EXOG: variants seen among roughly 807,000 people sequenced by gnomAD.
The protein encoded by EXOG is nuclease EXOG, mitochondrial.
In EXOG, 27 loss-of-function variants were observed where a neutral mutation model predicts 25.8. That is an observed-to-expected ratio of 1.05 (90% CI 0.77 to 1.45). The LOEUF (loss-of-function observed/expected upper bound fraction) is 1.45, where lower values mean the gene tolerates loss of function less well. Among genes scored for constraint, EXOG ranks in the 40% most tolerant of loss-of-function variants. The probability of loss-of-function intolerance (pLI) is 0.00; values close to 1 mark genes in which losing one functional copy is unlikely to be tolerated. For missense variants in EXOG, 458 were observed against 450.5 expected (o/e 1.02, Z -0.15); for synonymous variants, 133 against 167.0 (o/e 0.80, Z 1.57).
rs1293919020 is a variant in EXOG at position 38,526,263 on chromosome 3, A to G, written c.*1901A>G. The stretch of plus-strand genomic sequence containing the variant: ...ATTTTTGTGGTGTGTTTGTTCTAAG[A>G]GAAATGCCAAGGCTTTCAGATAAAG... On this transcript the variant is annotated 3_prime_UTR_variant, in exon 6 of 6. Transcript: ENST00000287675. 28 of 982,680 alleles carry G rather than the reference A, an allele frequency of 2.8e-5. No individual in the cohort carries two copies. Among genetic ancestry groups the G allele is most frequent in the Non-Finnish European group, 3.3e-5 (27 of 827,612 alleles). The allele number at this position is 982,680 out of a possible 1,614,324, so 60.9% of individuals were successfully genotyped here. A position where few individuals can be genotyped will look rare whatever the true frequency, so the allele number is the denominator to read the frequency against.
intron 5 of EXOG, among the ~76,000 whole-genome samples, chr3:38,522,911 C>G (rs561237189): frequency 6.6e-6 from 1 of 152,370 alleles, no homozygotes; most frequent in South Asian, 2.1e-4. Context: ...GACCCTGGCT[C>G]TGGCTTCTTC....
At chr3:38,507,303 G>A (rs1445014127) in intron 5 of EXOG, among the ~76,000 whole-genome samples, 2 of 152,216 alleles carry the variant, frequency 1.3e-5, no homozygotes, top group Non-Finnish European at 2.9e-5. Context: ...CTACTCATAT[G>A]AGTCAGGAAC....
intron 2 of EXOG, chr3:38,498,936 CAA>C: frequency 2.2e-6 from 1 of 456,684 alleles, no homozygotes; most frequent in Non-Finnish European, 4.4e-6. Context: ...GTAGATTCTT[CAA>C]GTTTACACTC....
At chr3:38,518,101 A>G (rs535380195) in intron 5 of EXOG, among the ~76,000 whole-genome samples, 1 of 152,308 alleles carries the variant, frequency 6.6e-6, no homozygotes, top group African/African-American at 2.4e-5. Flanking sequence ...ATATATGCAC[A>G]CACACATGTA....
In EXOG at chr3:38,524,214, G is replaced by A. The variant is rs570781004; in HGVS notation, c.959G>A (p.Arg320Gln). Residue 320 changes from arginine (R) to glutamine (Q), a missense_variant, in exon 6 of 6, where the codon CGA becomes CAA. By Grantham distance (43) the Arg-to-Gln change is conservative. Coordinates refer to ENST00000287675, the MANE Select transcript of EXOG (RefSeq NM_005107.4). ...YLSTRKIEGARSVLRLEKIME... is the reference protein window; with the variant it reads ...YLSTRKIEGAQSVLRLEKIME... ...AGTACAAGAAAGATTGAAGGAGCCC[G>A]ATCAGTGCTCAGACTGGAAAAGATC... The A allele has an allele frequency of 1.9e-5, 30 of 1,614,076 alleles. No individual in the cohort carries two copies. Among genetic ancestry groups the A allele is most frequent in the Middle Eastern group, 1.7e-4 (1 of 6,060 alleles).
chr3:38,515,222 G>T (rs1392667093), intron 5 of EXOG, among the ~76,000 whole-genome samples: 1 of 152,132 alleles, frequency 6.6e-6, no homozygotes, highest in Non-Finnish European at 1.5e-5. Flanking sequence ...CTTTATGTAT[G>T]ACAAGTTCTC....
At chr3:38,519,816 C>T (rs17037814) in intron 5 of EXOG, among the ~76,000 whole-genome samples, 13,278 of 152,208 alleles carry the variant, frequency 0.087, 828 homozygotes, top group East Asian at 0.17. Context: ...TGCTGAGGCT[C>T]TATAGATAAC....
In EXOG at chr3:38,524,111, A is replaced by G. The variant is rs1209574386; in HGVS notation, c.856A>G (p.Arg286Gly). ...SGLVFFPHLD[R>G]TSDIRNICSV... Reference sequence around the variant, plus strand: ...ACTGGTGTTTTTTCCTCATTTGGATAGAACTAGTGATATCCGGAATATCTG... The same window carrying G: ...ACTGGTGTTTTTTCCTCATTTGGATGGAACTAGTGATATCCGGAATATCTG... The change falls in exon 6 of 6, where the codon AGA (arginine) becomes GGA (glycine). Residue 286 changes from arginine to glycine, a missense_variant. Arg to Gly is a moderately radical substitution (Grantham distance 125). This residue lies in a region of EXOG where 178 missense variants were observed against 203.7 expected (regional missense o/e 0.87). Coordinates refer to ENST00000287675, the MANE Select transcript of EXOG (RefSeq NM_005107.4). 8 of 1,613,982 alleles carry G rather than the reference A, an allele frequency of 5.0e-6. No homozygotes were observed. Among genetic ancestry groups the G allele is most frequent in the Non-Finnish European group, 6.8e-6 (8 of 1,179,956 alleles).
intron 5 of EXOG, among the ~76,000 whole-genome samples, chr3:38,522,439 C>T (rs1307265016): frequency 6.6e-6 from 1 of 152,196 alleles, no homozygotes; most frequent in African/African-American, 2.4e-5. Context: ...TGGATTATGT[C>T]AGTTATTGGG....
In EXOG at chr3:38,520,788, A is replaced by G. The variant is rs1420758165; in HGVS notation, c.646-3113A>G. 2.6e-5 allele frequency among the ~76,000 whole-genome samples: 4 copies of G among 152,370 alleles called. No homozygotes were observed. The East Asian group carries it at 5.8e-4, about 22-fold the overall frequency. On this transcript the variant is annotated intron_variant, in intron 5 of 5. Transcript: ENST00000287675. ...GGCATTTATAAAATACAAAATAGCA[A>G]TCCACCCACGGGGATGGCTGTTACG...
At chr3:38,521,008 G>A (rs528285797) in intron 5 of EXOG, among the ~76,000 whole-genome samples, 2 of 152,310 alleles carry the variant, frequency 1.3e-5, no homozygotes, top group South Asian at 4.2e-4. Flanking sequence ...TAAAGAGACA[G>A]CTCTAAAATA....
At chr3:38,499,713 T>G (rs545700359) in intron 2 of EXOG, 57 of 454,670 alleles carry the variant, frequency 1.3e-4, no homozygotes, top group Admixed American at 1.2e-3. Context: ...CAAGTGACCC[T>G]CCTGCCTCAG....
rs2059893354 is a variant in EXOG at position 38,496,549 on chromosome 3, C to A, written c.163+19C>A. 2 of 1,600,078 alleles carry A rather than the reference C, an allele frequency of 1.2e-6. No homozygotes were observed. Among genetic ancestry groups the A allele is most frequent in the South Asian group, 1.1e-5 (1 of 90,366 alleles). ...CCGGATGGTAAGTCTGTGGGCCCGTCCTCCCTTCGCTGGCCCAGATTTCGG... is the reference window on the plus strand; with the variant it reads ...CCGGATGGTAAGTCTGTGGGCCCGTACTCCCTTCGCTGGCCCAGATTTCGG... On this transcript the variant is annotated intron_variant, in intron 1 of 5. Coordinates refer to ENST00000287675, the MANE Select transcript of EXOG (RefSeq NM_005107.4).
chr3:38,505,123 A>G (rs1266397223), intron 4 of EXOG, among the ~76,000 whole-genome samples: 1 of 152,200 alleles, frequency 6.6e-6, no homozygotes, highest in African/African-American at 2.4e-5. Flanking sequence ...ATTCTTTATT[A>G]CCAATTTTAT....
chr3:38,513,325 G>A (rs1188260928), intron 5 of EXOG, among the ~76,000 whole-genome samples: 1 of 152,078 alleles, frequency 6.6e-6, no homozygotes, highest in Non-Finnish European at 1.5e-5. Flanking sequence ...TACATTTCCT[G>A]TCTAGCCCTT....
chr3:38,496,730 C>T lies in EXOG; in HGVS notation c.163+200C>T. 2.1e-6 allele frequency: 3 copies of T among 1,450,732 alleles called. No homozygotes were observed. In the South Asian group the frequency reaches 4.3e-5, roughly 21 times the overall value. The allele number at this position is 1,450,732 out of a possible 1,614,324, so 89.9% of individuals were successfully genotyped here. ...TCTCGCCAGCTTCCCTCATGTCCTT[C>T]CTTCCCCCGGGCATCTTCGTTTTCT... On this transcript the variant is annotated intron_variant, in intron 1 of 5. Transcript: ENST00000287675.
intron 3 of EXOG, among the ~76,000 whole-genome samples, chr3:38,502,419 A>G (rs1424397983): frequency 1.3e-5 from 2 of 152,178 alleles, no homozygotes; most frequent in East Asian, 3.8e-4. Context: ...AATTTTTTTA[A>G]TTTGTAGAAA....
chr3:38,514,959 A>G (rs2060492822), intron 5 of EXOG, among the ~76,000 whole-genome samples: 1 of 152,074 alleles, frequency 6.6e-6, no homozygotes, highest in African/African-American at 2.4e-5. Flanking sequence ...TTTAGTAGAG[A>G]CAGGGTTTCA....
intron 5 of EXOG, among the ~76,000 whole-genome samples, chr3:38,520,795 C>A (rs569984162): frequency 3.9e-5 from 6 of 152,156 alleles, no homozygotes; most frequent in Admixed American, 3.9e-4. Context: ...GCAATCCACC[C>A]ACGGGGATGG....
Sources: allele counts gnomAD v4.1 joint callset (sites outside exome capture counted in the v4.1 genomes callset), GRCh38; gene constraint gnomAD v4.1.1; regional missense constraint gnomAD v4.1.1; transcripts MANE v1.5; gene names NCBI Gene and HGNC (gene_info 2026-07-23, HGNC 2026-07-21).